The following SH3BGRL2 variants were observed in gnomAD, a reference collection of about 807,000 sequenced individuals.
The protein encoded by SH3BGRL2 is SH3 domain binding glutamate rich protein like 2.
SH3BGRL2 carries 21 observed loss-of-function variants against 14.8 expected under a neutral mutation model. The ratio of observed to expected loss-of-function variants is 1.42; its 90% CI spans 1.01 to 2.05. The LOEUF (loss-of-function observed/expected upper bound fraction) is 2.05. Among genes scored for constraint, SH3BGRL2 ranks in the 30% most tolerant of loss-of-function variants. The pLI, the probability that SH3BGRL2 is intolerant of heterozygous loss-of-function variation, is 0.00. For synonymous variants in SH3BGRL2, 50 were observed against 47.8 expected (o/e 1.05, Z -0.19); for missense variants, 147 against 130.8 (o/e 1.12, Z -0.61).
chr6:79,622,520 C>T, the SH3BGRL2 span, among the ~76,000 whole-genome samples: 32 of 152,202 alleles, frequency 2.1e-4, no homozygotes, highest in Non-Finnish European at 4.4e-4. Flanking sequence ...GCATGGTTCT[C>T]ACACAACCAC....
chr6:79,554,267 A>G, the SH3BGRL2 span, among the ~76,000 whole-genome samples: 2 of 152,188 alleles, frequency 1.3e-5, no homozygotes, highest in East Asian at 3.9e-4. Context: ...TGGTTATCTA[A>G]TGCGTTTAAA....
intron 2 of SH3BGRL2, among the ~76,000 whole-genome samples, chr6:79,674,428 C>T (rs1045091270): frequency 1.3e-5 from 2 of 152,106 alleles, no homozygotes; most frequent in South Asian, 4.1e-4. Context: ...TACCTACTTG[C>T]GTACTCCTTA....
chr6:79,697,551 A>G (rs1770359340), intron 3 of SH3BGRL2, among the ~76,000 whole-genome samples: 2 of 152,220 alleles, frequency 1.3e-5, no homozygotes, highest in Admixed American at 6.5e-5. Context: ...AACATAAATT[A>G]TAGACCAGCA....
At chr6:79,648,062 C>A (rs900235627) in intron 1 of SH3BGRL2, among the ~76,000 whole-genome samples, 3 of 150,960 alleles carry the variant, frequency 2.0e-5, no homozygotes, top group African/African-American at 7.3e-5. Flanking sequence ...CCTTTGAGTT[C>A]TTTTTCCATT....
the SH3BGRL2 span, among the ~76,000 whole-genome samples, chr6:79,599,786 C>T: frequency 6.6e-6 from 1 of 152,240 alleles, no homozygotes; most frequent in East Asian, 1.9e-4. Flanking sequence ...GAGTGCTATT[C>T]GAGCAGGGAA....
chr6:79,561,429 T>A, the SH3BGRL2 span: 1 of 152,182 alleles, frequency 6.6e-6, no homozygotes, highest in Non-Finnish European at 1.5e-5. Flanking sequence ...TAATCATCAA[T>A]TGACTATCAC....
At chr6:79,561,429 T>C in the SH3BGRL2 span, 7 of 152,182 alleles carry the variant, frequency 4.6e-5, no homozygotes, top group Non-Finnish European at 1.0e-4. Context: ...TAATCATCAA[T>C]TGACTATCAC....
At chr6:79,607,894 C>T in the SH3BGRL2 span, among the ~76,000 whole-genome samples, 6 of 152,036 alleles carry the variant, frequency 3.9e-5, no homozygotes, top group African/African-American at 7.2e-5. Flanking sequence ...TACAGTGAGC[C>T]GAGATCGCAC....
At chr6:79,594,543 G>A in the SH3BGRL2 span, among the ~76,000 whole-genome samples, 23 of 152,040 alleles carry the variant, frequency 1.5e-4, no homozygotes, top group East Asian at 4.1e-3. Flanking sequence ...CTGCTTGGGC[G>A]TGGGTGTCAG....
chr6:79,578,075 T>C, the SH3BGRL2 span, among the ~76,000 whole-genome samples: 3 of 152,206 alleles, frequency 2.0e-5, no homozygotes, highest in Admixed American at 6.5e-5. Flanking sequence ...GAGAGGGGCA[T>C]CTGCCATTGC....
chr6:79,543,798 T>C, the SH3BGRL2 span, among the ~76,000 whole-genome samples: 1 of 152,214 alleles, frequency 6.6e-6, no homozygotes, highest in African/African-American at 2.4e-5. Context: ...TTTCATAGAA[T>C]CATCAGTTAT....
At chr6:79,641,395 C>T (rs1318783239) in intron 1 of SH3BGRL2, among the ~76,000 whole-genome samples, 5 of 152,076 alleles carry the variant, frequency 3.3e-5, no homozygotes, top group Admixed American at 2.6e-4. Context: ...GTTGAGTATG[C>T]GCTGATTTCT....
the SH3BGRL2 span, among the ~76,000 whole-genome samples, chr6:79,540,461 T>TA: frequency 2.0e-5 from 3 of 148,270 alleles, no homozygotes; most frequent in East Asian, 2.3e-4. Context: ...ATAAATAAAA[T>TA]AAATAAATAG....
the SH3BGRL2 span, among the ~76,000 whole-genome samples, chr6:79,609,126 T>C: frequency 6.6e-6 from 1 of 152,146 alleles, no homozygotes; most frequent in African/African-American, 2.4e-5. Flanking sequence ...TGCCTCCTCA[T>C]TGGTAAGCAA....
At chr6:79,603,750 C>G in the SH3BGRL2 span, among the ~76,000 whole-genome samples, 1 of 152,162 alleles carries the variant, frequency 6.6e-6, no homozygotes. Context: ...CTACGACAAG[C>G]AAGAATTAGG....
At chr6:79,557,378 A>G in the SH3BGRL2 span, among the ~76,000 whole-genome samples, 1 of 152,026 alleles carries the variant, frequency 6.6e-6, no homozygotes, top group African/African-American at 2.4e-5. Flanking sequence ...AATTCATGAT[A>G]ATTTGAGTAG....
chr6:79,610,900 A>G, the SH3BGRL2 span, among the ~76,000 whole-genome samples: 6 of 152,340 alleles, frequency 3.9e-5, no homozygotes, highest in African/African-American at 1.2e-4. Flanking sequence ...TATATGGCAC[A>G]TAGTAGGAAC....
the SH3BGRL2 span, among the ~76,000 whole-genome samples, chr6:79,614,864 CA>C: frequency 6.6e-6 from 1 of 152,088 alleles, no homozygotes; most frequent in East Asian, 1.9e-4. Flanking sequence ...GCCAGGTACA[CA>C]GAGAAGAGGA....
At chr6:79,586,287 T>TGTATTTTACA in the SH3BGRL2 span, among the ~76,000 whole-genome samples, 1 of 142,486 alleles carries the variant, frequency 7.0e-6, no homozygotes, top group African/African-American at 2.6e-5. Flanking sequence ...TTAATGTTAG[T>TGTATTTTACA]GTATTTTACA....
Sources: gnomAD v4.1 joint callset for allele counts (sites outside exome capture counted in the v4.1 genomes callset) on GRCh38, gnomAD v4.1.1 for gene constraint, MANE v1.5 for transcripts, NCBI Gene and HGNC (gene_info 2026-07-23, HGNC 2026-07-21) for gene names.